The following RBPJ variants were observed in gnomAD, a reference collection of about 807,000 sequenced individuals.
The protein encoded by RBPJ is recombining binding protein suppressor of hairless.
In RBPJ, 9 loss-of-function variants were observed where a neutral mutation model predicts 67.8. The observed-to-expected ratio is 0.13, with a 90% confidence interval of 0.08 to 0.23. The LOEUF (loss-of-function observed/expected upper bound fraction) is 0.23, where lower values mean the gene tolerates loss of function less well. RBPJ is among the 10% of genes least tolerant of loss of function. The pLI is 1.00. For missense variants in RBPJ, 305 were observed against 595.6 expected (o/e 0.51, Z 5.08); for synonymous variants, 198 against 203.3 (o/e 0.97, Z 0.22).
upstream of RBPJ, among the ~76,000 whole-genome samples, chr4:26,160,397 G>C (rs1716054100): frequency 6.6e-6 from 1 of 152,138 alleles, no homozygotes; most frequent in Admixed American, 6.5e-5. Flanking sequence ...AATGCATCAG[G>C]GGAGGACAAA....
At chr4:26,256,505 G>C (rs1376589869) in intron 1 of RBPJ, among the ~76,000 whole-genome samples, 1 of 152,114 alleles carries the variant, frequency 6.6e-6, no homozygotes, top group Non-Finnish European at 1.5e-5. Context: ...CCTTGTAAAT[G>C]TTTAACTTTT....
At chr4:26,270,406 A>AAAGAAAGAAAGAAAGG in intron 1 of RBPJ, among the ~76,000 whole-genome samples, 1 of 67,088 alleles carries the variant, frequency 1.5e-5, no homozygotes, top group Non-Finnish European at 3.6e-5. Flanking sequence ...AGAAAGAAAG[A>AAAGAAAGAAAGAAAGG]AAGAAAGAAA....
intron 1 of RBPJ, among the ~76,000 whole-genome samples, chr4:26,198,007 C>T (rs1717837701): frequency 6.6e-6 from 1 of 152,110 alleles, no homozygotes; most frequent in South Asian, 2.1e-4. Context: ...CCTGTAATCC[C>T]AGCACTTTGG....
chr4:26,373,125 T>C (rs1020466869), intron 1 of RBPJ, among the ~76,000 whole-genome samples: 3 of 152,182 alleles, frequency 2.0e-5, no homozygotes, highest in Non-Finnish European at 2.9e-5. Flanking sequence ...GTATTAACAC[T>C]CAAGCAAAAA....
chr4:26,130,951 G>A, the RBPJ span, among the ~76,000 whole-genome samples: 3 of 152,316 alleles, frequency 2.0e-5, no homozygotes, highest in African/African-American at 4.8e-5. Context: ...ACATTTCGGC[G>A]TGGAATGTGA....
chr4:26,140,748 T>C, the RBPJ span, among the ~76,000 whole-genome samples: 2 of 150,736 alleles, frequency 1.3e-5, no homozygotes, highest in Non-Finnish European at 2.9e-5. Flanking sequence ...TAGTTAGGTC[T>C]GGGCCAAGGA....
chr4:26,299,505 T>G (rs538313388), intron 1 of RBPJ, among the ~76,000 whole-genome samples: 2 of 152,186 alleles, frequency 1.3e-5, no homozygotes, highest in East Asian at 3.8e-4. Flanking sequence ...ATATAGCATT[T>G]TAGGCTGTTT....
intron 2 of RBPJ, among the ~76,000 whole-genome samples, chr4:26,394,694 T>C (rs1383176738): frequency 6.6e-6 from 1 of 152,114 alleles, no homozygotes; most frequent in Non-Finnish European, 1.5e-5. Flanking sequence ...AGTGCTTTTT[T>C]TAAAAAAGAG....
At chr4:26,400,729 T>TA (rs1246089255) in intron 2 of RBPJ, among the ~76,000 whole-genome samples, 1 of 152,228 alleles carries the variant, frequency 6.6e-6, no homozygotes, top group African/African-American at 2.4e-5. Context: ...AGGCTCTAGT[T>TA]ACTTTTTCAG....
the RBPJ span, among the ~76,000 whole-genome samples, chr4:26,157,112 C>CAAACAAAAAAAAAAAAAAAAAAAAAA: frequency 8.8e-6 from 1 of 113,280 alleles, no homozygotes; most frequent in African/African-American, 3.2e-5. Context: ...AACAAACAAA[C>CAAACAAAAAAAAAAAAAAAAAAAAAA]AAACAAAAAA....
chr4:26,375,126 A>C (rs1287535449), intron 1 of RBPJ, among the ~76,000 whole-genome samples: 1 of 151,862 alleles, frequency 6.6e-6, no homozygotes, highest in African/African-American at 2.4e-5. Flanking sequence ...AATATGGTGA[A>C]ACCCTGTTTC....
At chr4:26,214,648 AAG>A (rs1718576572) in intron 1 of RBPJ, among the ~76,000 whole-genome samples, 3 of 129,878 alleles carry the variant, frequency 2.3e-5, no homozygotes, top group African/African-American at 3.0e-5. Context: ...AGAAAAAAGA[AAG>A]AGAAAAAGGA....
At chr4:26,111,806 A>T in the RBPJ span, 1 of 157,084 alleles carries the variant, frequency 6.4e-6, no homozygotes, top group East Asian at 1.7e-4. Flanking sequence ...GGTCATTTCT[A>T]AGCTCAACAC....
At chr4:26,310,192 G>A (rs1364545137) in intron 1 of RBPJ, among the ~76,000 whole-genome samples, 1 of 152,162 alleles carries the variant, frequency 6.6e-6, no homozygotes, top group Non-Finnish European at 1.5e-5. Flanking sequence ...CATTTTCAGT[G>A]TTCTATTTCT....
chr4:26,392,415 A>G (rs1731599040), intron 2 of RBPJ, among the ~76,000 whole-genome samples: 1 of 152,220 alleles, frequency 6.6e-6, no homozygotes. Context: ...TAACCCCAAT[A>G]TCCAGCAACA....
chr4:26,388,810 A>T (rs1731193853), intron 2 of RBPJ, among the ~76,000 whole-genome samples: 1 of 152,202 alleles, frequency 6.6e-6, no homozygotes, highest in Admixed American at 6.5e-5. Context: ...GCCATGTTTT[A>T]TTGTCAGGTG....
chr4:26,140,620 GCCCCACCC>G, the RBPJ span, among the ~76,000 whole-genome samples: 2 of 99,626 alleles, frequency 2.0e-5, no homozygotes, highest in Admixed American at 1.1e-4. Context: ...AGCCAAAGCC[GCCCCACCC>G]CCCCACCCCC....
rs1719616478 is a variant in RBPJ at position 26,240,998 on chromosome 4, G to A, written c.-167+77384G>A. Among the ~76,000 whole-genome samples the A allele has an allele frequency of 3.9e-5, 6 of 152,052 alleles. No homozygotes were observed. In the South Asian group the frequency reaches 1.2e-3, roughly 31 times the overall value. ...ATCACACGTATATAAATGAGGAGTTGTGAAGTTGAAGCCTGAGCAACAAGC... is the reference window on the plus strand; with the variant it reads ...ATCACACGTATATAAATGAGGAGTTATGAAGTTGAAGCCTGAGCAACAAGC... On this transcript the variant is annotated intron_variant, in intron 1 of 4. Coordinates refer to the RBPJ transcript ENST00000512351.
At chr4:26,349,087 T>TGC (rs201817822) in intron 1 of RBPJ, among the ~76,000 whole-genome samples, 139 of 67,704 alleles carry the variant, frequency 2.1e-3, no homozygotes, top group Admixed American at 4.1e-3. Context: ...TGTGTGTGTG[T>TGC]GCGCGCGCGC....
Sources: allele counts gnomAD v4.1 joint callset (sites outside exome capture counted in the v4.1 genomes callset), GRCh38; gene constraint gnomAD v4.1.1; transcripts MANE v1.5; gene names NCBI Gene and HGNC (gene_info 2026-07-23, HGNC 2026-07-21).